Variants in RPL31 observed in about 807,000 individuals in gnomAD.
The protein encoded by RPL31 is large ribosomal subunit protein eL31.
For missense variants in RPL31, 95 were observed against 164.0 expected, an observed-to-expected ratio of 0.58 and a Z score of 2.30; for synonymous variants, 51 against 55.0, an observed-to-expected ratio of 0.93 and a Z score of 0.32.
downstream of RPL31, chr2:101,011,003 G>GT: frequency 2.5e-6 from 4 of 1,612,658 alleles, 1 homozygote; most frequent in Non-Finnish European, 3.4e-6. Flanking sequence ...TGCTTCAGCT[G>GT]TTTCTGATAA....
At chr2:101,007,939 A>G (rs755143027), downstream of RPL31, 3 of 1,614,054 alleles carry the variant, frequency 1.9e-6, no homozygotes, top group Admixed American at 5.0e-5. Context: ...TGGCTTTTCA[A>G]AAAAGTTGAC....
At chr2:101,002,612 G>T in intron 1 of RPL31, 90 bp from the exon 2 acceptor site, 1 of 1,093,288 alleles carries the variant, frequency 9.1e-7, no homozygotes, top group East Asian at 2.4e-5. Context: ...ACCTGGAAGC[G>T]CCCCGAGAGT....
downstream of RPL31, chr2:101,008,016 C>T (rs766672296): frequency 6.8e-6 from 11 of 1,613,838 alleles, no homozygotes; most frequent in South Asian, 5.5e-5. Flanking sequence ...CCCTTTCTGC[C>T]GCCTCTGGAA....
At chr2:101,008,399 G>A (rs1319281818), downstream of RPL31, 8 of 769,082 alleles carry the variant, frequency 1.0e-5, no homozygotes, top group East Asian at 1.7e-4. Context: ...TATAAGAAAA[G>A]GTAGTCTCTG....
chr2:101,010,168 T>C (rs1679098144), downstream of RPL31, among the ~76,000 whole-genome samples: 1 of 152,126 alleles, frequency 6.6e-6, no homozygotes. Context: ...GGAGGAACCA[T>C]TTTCAAAATG....
chr2:101,019,020 A>T, exon 5 of RPL31: 1 of 1,612,384 alleles, frequency 6.2e-7, no homozygotes, highest in Non-Finnish European at 8.5e-7. Flanking sequence ...ACAGTGTTAC[A>T]GTCGCCAAGA....
At chr2:101,007,589 T>TGTAA (rs375186762), downstream of RPL31, 7,517 of 519,110 alleles carry the variant, frequency 0.014, 79 homozygotes, top group Non-Finnish European at 0.02. Context: ...CGGTAAAAAT[T>TGTAA]GTAAGTTGGC....
chr2:101,008,425 C>CTATT (rs1678913837), downstream of RPL31, among the ~76,000 whole-genome samples: 1 of 152,130 alleles, frequency 6.6e-6, no homozygotes, highest in Admixed American at 6.5e-5. Context: ...CCACTCTAAA[C>CTATT]TATTAACAGT....
downstream of RPL31, chr2:101,010,940 T>G (rs959428602): frequency 6.2e-6 from 10 of 1,612,178 alleles, no homozygotes; most frequent in Non-Finnish European, 8.5e-6. Context: ...TGGCTCATTT[T>G]GGGCAATTCT....
rs889074970 is a variant in RPL31 at position 101,007,052 on chromosome 2, C to T, written c.*671C>T. On this transcript the variant is annotated 3_prime_UTR_variant, in exon 5 of 5. Transcript: ENST00000264258. ...TTACAAGCTGTATGTTAAATGCTGC[C>T]ATAAAGAGGTCTCTGAAGCCGTAGG... 6.6e-6 allele frequency: 1 copy of T among 152,198 alleles called. No homozygotes were observed. The highest frequency in any genetic ancestry group is 1.5e-5 in the Non-Finnish European group (1 of 68,090). The allele number at this position is 152,198 out of a possible 1,614,324, so 9.4% of individuals were successfully genotyped here.
At chr2:101,013,907 A>G (rs577978913) in intron 4 of RPL31, among the ~76,000 whole-genome samples, 1 of 152,338 alleles carries the variant, frequency 6.6e-6, no homozygotes, top group South Asian at 2.1e-4. Flanking sequence ...TCATCCCTCC[A>G]TAGTGGTTGG....
At chr2:101,010,265 T>C (rs1679105321), downstream of RPL31, among the ~76,000 whole-genome samples, 1 of 152,206 alleles carries the variant, frequency 6.6e-6, no homozygotes, top group Non-Finnish European at 1.5e-5. Flanking sequence ...CAGTACTGTG[T>C]ATCATGCAGC....
chr2:101,007,657 T>C (rs1251668664), downstream of RPL31: 5 of 687,642 alleles, frequency 7.3e-6, no homozygotes, highest in African/African-American at 3.6e-5. Context: ...ATAGAAATGC[T>C]TGAGGGTTGT....
chr2:101,017,845 C>A (rs1404681345), intron 4 of RPL31: 1 of 1,550,556 alleles, frequency 6.4e-7, no homozygotes, highest in Non-Finnish European at 8.7e-7. Flanking sequence ...CAGCTACATG[C>A]AATTCCCAAT....
At chr2:101,017,889 A>G in intron 4 of RPL31, 2 of 1,550,952 alleles carry the variant, frequency 1.3e-6, no homozygotes, top group Non-Finnish European at 1.7e-6. Flanking sequence ...TTCAAAACAG[A>G]TTGTCACCAT....
rs866600409 is a variant in RPL31, at chr2:101,005,952, T to C, written c.234-7T>C. 1 of 1,610,664 alleles carries C rather than the reference T, an allele frequency of 6.2e-7. No individual in the cohort carries two copies. Among genetic ancestry groups the C allele is most frequent in the Middle Eastern group, 2.2e-4 (1 of 4,602 alleles). Reference sequence around the variant, plus strand: ...TGACTTCAGCAACACAATTATGTTTTTATTAGGAATGTGCCATACCGAATC... The same window carrying C: ...TGACTTCAGCAACACAATTATGTTTCTATTAGGAATGTGCCATACCGAATC... On this transcript the variant is annotated splice_region_variant and splice_polypyrimidine_tract_variant and intron_variant, in intron 3 of 4. Transcript: ENST00000264258.
In RPL31 at chr2:101,002,550, C is replaced by T. The variant is rs1678580150; in HGVS notation, c.1-152C>T. The T allele has an allele frequency of 1.2e-5, 8 of 650,746 alleles. No homozygotes were observed. In the Admixed American group the frequency reaches 1.9e-4, roughly 15 times the overall value. The allele number at this position is 650,746 out of a possible 1,614,324, so 40.3% of individuals were successfully genotyped here. A position where few individuals can be genotyped will look rare whatever the true frequency, so the allele number is the denominator to read the frequency against. On this transcript the variant is annotated intron_variant, in intron 1 of 4. Transcript: ENST00000264258. Reference sequence around the variant, plus strand: ...CGGAGGCATCTGAGGGGCGCAGGGGCGCGGGTGCGTGGGCCACTGGGTGAC... The same window carrying T: ...CGGAGGCATCTGAGGGGCGCAGGGGTGCGGGTGCGTGGGCCACTGGGTGAC...
chr2:101,011,120 G>A, downstream of RPL31: 2 of 1,184,144 alleles, frequency 1.7e-6, no homozygotes, highest in Admixed American at 2.0e-5. Flanking sequence ...AAGGGGGTGA[G>A]GAATTCCACT....
chr2:101,008,047 G>A (rs201882166), downstream of RPL31: 156 of 1,613,956 alleles, frequency 9.7e-5, no homozygotes, highest in African/African-American at 1.6e-3. Context: ...GTCCTGGGGC[G>A]TCTTCCCAGT....
Sources: gnomAD v4.1 joint callset for allele counts (sites outside exome capture counted in the v4.1 genomes callset) on GRCh38, gnomAD v4.1.1 for gene constraint, MANE v1.5 for transcripts, NCBI Gene and HGNC (gene_info 2026-07-23, HGNC 2026-07-21) for gene names.